Variants in SGCZ observed in about 807,000 individuals in gnomAD.
The protein encoded by SGCZ is zeta-sarcoglycan.
Under a neutral mutation model 41.3 loss-of-function variants are expected in SGCZ, and 40 were observed. The observed-to-expected ratio is 0.97, with a 90% CI of 0.75 to 1.26. SGCZ has a LOEUF of 1.26. Among genes scored for constraint, SGCZ ranks in the 50% most tolerant of loss-of-function variants. The probability of loss-of-function intolerance (pLI) is 0.00; values close to 1 mark genes in which losing one functional copy is unlikely to be tolerated. For missense variants in SGCZ, 552 were observed against 369.8 expected (o/e 1.49, Z -4.04); for synonymous variants, 206 against 137.5 (o/e 1.50, Z -3.49).
At chr8:14,623,508 A>G (rs1056173817) in intron 1 of SGCZ, among the ~76,000 whole-genome samples, 41 of 152,182 alleles carry the variant, frequency 2.7e-4, no homozygotes, top group Admixed American at 1.3e-3. Flanking sequence ...CGTGAAAAGG[A>G]CAGGAGGGGA....
In SGCZ at chr8:14,258,802, G is replaced by A. The variant is rs1387152940; in HGVS notation, c.337-21123C>T. On this transcript the variant is annotated intron_variant, in intron 3 of 7. Transcript: ENST00000382080. ...TGACCTTCAAGTGTGAGGATTACAC[G>A]CAGCACAATAGAAATAAATGAGAAA... is the stretch of plus-strand genomic sequence containing the variant. Among the ~76,000 whole-genome samples, 6 of 152,194 alleles carry A rather than the reference G, an allele frequency of 3.9e-5. No individual in the cohort carries two copies. In the South Asian group the frequency reaches 8.3e-4, roughly 21 times the overall value.
At chr8:14,813,457 T>C (rs1175520522) in intron 1 of SGCZ, among the ~76,000 whole-genome samples, 1 of 152,194 alleles carries the variant, frequency 6.6e-6, no homozygotes, top group Admixed American at 6.6e-5. Context: ...TGATAAATTG[T>C]TCGTTACACA....
intron 1 of SGCZ, among the ~76,000 whole-genome samples, chr8:15,094,285 C>T (rs1806256052): frequency 6.6e-6 from 1 of 152,094 alleles, no homozygotes; most frequent in African/African-American, 2.4e-5. Flanking sequence ...CAGGCGTGCA[C>T]CACCATGCCT....
chr8:14,691,680 T>C (rs576017734), intron 1 of SGCZ, among the ~76,000 whole-genome samples: 4 of 152,058 alleles, frequency 2.6e-5, no homozygotes, highest in Non-Finnish European at 4.4e-5. Flanking sequence ...AAAGCATAGA[T>C]GTAAGAATAT....
At chr8:14,310,051 C>A (rs750369182) in intron 3 of SGCZ, among the ~76,000 whole-genome samples, 4 of 152,084 alleles carry the variant, frequency 2.6e-5, no homozygotes, top group African/African-American at 7.2e-5. Context: ...AAAAAAAATT[C>A]TGTTGTTCCA....
chr8:14,327,187 A>T (rs1384630090), intron 2 of SGCZ, among the ~76,000 whole-genome samples: 1 of 152,186 alleles, frequency 6.6e-6, no homozygotes, highest in Non-Finnish European at 1.5e-5. Flanking sequence ...TATCACCAGA[A>T]AGAGTAATTT....
intron 2 of SGCZ, among the ~76,000 whole-genome samples, chr8:14,450,437 C>A (rs912152701): frequency 7.2e-5 from 11 of 152,116 alleles, no homozygotes; most frequent in Non-Finnish European, 1.3e-4. Flanking sequence ...GGGTAATGAG[C>A]AGTATTGAAT....
intron 1 of SGCZ, among the ~76,000 whole-genome samples, chr8:14,701,376 G>C (rs556450205): frequency 6.6e-6 from 1 of 151,722 alleles, no homozygotes; most frequent in Non-Finnish European, 1.5e-5. Flanking sequence ...AGAATATTAG[G>C]ACCATTAAAA....
At chr8:14,525,123 GATACATTGATAGATAGACAC>G (rs1802901882) in intron 2 of SGCZ, among the ~76,000 whole-genome samples, 2 of 128,816 alleles carry the variant, frequency 1.6e-5, no homozygotes, top group Non-Finnish European at 3.4e-5. Flanking sequence ...TAGATAGATA[GATACATTGATAGATAGACAC>G]ATAGATAGAT....
chr8:14,924,959 G>A (rs1799702061), intron 1 of SGCZ, among the ~76,000 whole-genome samples: 3 of 150,272 alleles, frequency 2.0e-5, no homozygotes, highest in African/African-American at 7.4e-5. Flanking sequence ...TTGGGTTCAA[G>A]CGATTCTTGT....
chr8:15,141,670 A>G (rs1048567031), intron 1 of SGCZ, among the ~76,000 whole-genome samples: 6 of 152,172 alleles, frequency 3.9e-5, no homozygotes, highest in African/African-American at 1.4e-4. Flanking sequence ...CTGGGAGGCC[A>G]AGGCGGGAGG....
intron 1 of SGCZ, among the ~76,000 whole-genome samples, chr8:14,837,408 G>C (rs951006040): frequency 3.3e-5 from 5 of 152,210 alleles, no homozygotes; most frequent in African/African-American, 1.2e-4. Context: ...CGAACGATGT[G>C]TAGAAAGGTC....
chr8:14,880,540 C>G (rs947385134), intron 1 of SGCZ, among the ~76,000 whole-genome samples: 2 of 152,150 alleles, frequency 1.3e-5, no homozygotes, highest in African/African-American at 4.8e-5. Context: ...ATAGCAAAGA[C>G]TTGGAAGCAA....
chr8:14,938,122 GTTGTTCACTGTT>G (rs1385881952), intron 1 of SGCZ, among the ~76,000 whole-genome samples: 1 of 151,944 alleles, frequency 6.6e-6, no homozygotes, highest in Non-Finnish European at 1.5e-5. Context: ...GTTTTTTGGT[GTTGTTCACTGTT>G]TTATATTGAT....
At chr8:14,277,519 G>C (rs1189695804) in intron 3 of SGCZ, among the ~76,000 whole-genome samples, 1 of 151,952 alleles carries the variant, frequency 6.6e-6, no homozygotes, top group Admixed American at 6.6e-5. Flanking sequence ...TTGACTGAAG[G>C]GTAACCTTTT....
At chr8:14,688,748 G>T (rs542091071) in intron 1 of SGCZ, among the ~76,000 whole-genome samples, 21 of 151,916 alleles carry the variant, frequency 1.4e-4, no homozygotes, top group African/African-American at 4.8e-4. Context: ...ATTGGTAGTT[G>T]GAAGTTCTGG....
At chr8:14,133,979 C>G (rs1449125579) in intron 5 of SGCZ, among the ~76,000 whole-genome samples, 1 of 152,114 alleles carries the variant, frequency 6.6e-6, no homozygotes, top group African/African-American at 2.4e-5. Context: ...ATTTTACTTC[C>G]TATTTCAAAT....
intron 1 of SGCZ, among the ~76,000 whole-genome samples, chr8:15,189,897 T>G (rs1224025683): frequency 6.6e-6 from 1 of 152,196 alleles, no homozygotes; most frequent in Non-Finnish European, 1.5e-5. Flanking sequence ...TTCAGAATTT[T>G]GTTTATTTCA....
At chr8:14,354,649 T>C (rs904797263) in intron 2 of SGCZ, among the ~76,000 whole-genome samples, 6 of 151,674 alleles carry the variant, frequency 4.0e-5, no homozygotes, top group African/African-American at 1.4e-4. Context: ...AATTCCTAAG[T>C]ATATAGGCAT....
Sources: allele counts gnomAD v4.1 joint callset (sites outside exome capture counted in the v4.1 genomes callset), GRCh38; gene constraint gnomAD v4.1.1; transcripts MANE v1.5; gene names NCBI Gene and HGNC (gene_info 2026-07-23, HGNC 2026-07-21).